MAGI3: variants seen among roughly 807,000 people sequenced by gnomAD.
MAGI3 encodes the protein membrane-associated guanylate kinase, WW and PDZ domain-containing protein 3.
MAGI3 carries 43 observed loss-of-function variants against 121.8 expected under a neutral mutation model. The ratio of observed to expected loss-of-function variants is 0.35; its 90% CI spans 0.28 to 0.46. The LOEUF (loss-of-function observed/expected upper bound fraction) is 0.46. Ranked by LOEUF, MAGI3 falls within the 20% of genes least tolerant of loss-of-function variation. The pLI is 1.00. For missense variants in MAGI3, 1,547 were observed against 1,797.3 expected (o/e 0.86, Z 2.52); for synonymous variants, 553 against 639.3 (o/e 0.86, Z 2.04).
chr1:113,473,806 G>T (rs1166141844), intron 1 of MAGI3, among the ~76,000 whole-genome samples: 1 of 152,150 alleles, frequency 6.6e-6, no homozygotes, highest in Non-Finnish European at 1.5e-5. Context: ...TGAGTCAAAT[G>T]GTAATTCTAG....
At chr1:113,556,552 A>ATTTTTTT (rs569112647) in intron 2 of MAGI3, among the ~76,000 whole-genome samples, 1 of 117,594 alleles carries the variant, frequency 8.5e-6, no homozygotes. Flanking sequence ...TATGATAAAG[A>ATTTTTTT]TTTTTTTTTT....
chr1:113,656,696 C>T (rs189933619), intron 15 of MAGI3, among the ~76,000 whole-genome samples: 223 of 152,282 alleles, frequency 1.5e-3, no homozygotes, highest in African/African-American at 5.2e-3. Context: ...GGATTACAGA[C>T]ATGAGCCACC....
At chr1:113,652,334 G>C (rs975194106) in intron 14 of MAGI3, among the ~76,000 whole-genome samples, 1 of 152,210 alleles carries the variant, frequency 6.6e-6, no homozygotes, top group Non-Finnish European at 1.5e-5. Flanking sequence ...AAGAGTGCCT[G>C]TCTGGTACAA....
chr1:113,591,682 A>T (rs1354387827), intron 5 of MAGI3, among the ~76,000 whole-genome samples: 1 of 152,172 alleles, frequency 6.6e-6, no homozygotes, highest in African/African-American at 2.4e-5. Flanking sequence ...AGGTACAACC[A>T]GGTGGTATAT....
At chr1:113,544,400 T>C (rs1659435422) in intron 1 of MAGI3, among the ~76,000 whole-genome samples, 1 of 152,218 alleles carries the variant, frequency 6.6e-6, no homozygotes, top group Non-Finnish European at 1.5e-5. Flanking sequence ...AGAAGAGAAC[T>C]GAAACATGGT....
intron 1 of MAGI3, among the ~76,000 whole-genome samples, chr1:113,442,853 G>C (rs1281207341): frequency 3.9e-5 from 6 of 151,992 alleles, no homozygotes; most frequent in Admixed American, 1.3e-4. Flanking sequence ...TGATACAGTA[G>C]ATAGTTTAGA....
intron 13 of MAGI3, 128 bp from the exon 14 acceptor site, chr1:113,650,886 A>G: frequency 2.5e-6 from 2 of 787,522 alleles, no homozygotes; most frequent in East Asian, 5.4e-5. Flanking sequence ...ATACCTTTCT[A>G]AAATATAACT....
intron 1 of MAGI3, among the ~76,000 whole-genome samples, chr1:113,505,828 A>G (rs779054261): frequency 1.3e-5 from 2 of 152,164 alleles, no homozygotes; most frequent in Non-Finnish European, 2.9e-5. Flanking sequence ...TGAAGACCAG[A>G]GTGACTAAAG....
intron 1 of MAGI3, among the ~76,000 whole-genome samples, chr1:113,513,645 T>C (rs541270017): frequency 0.052 from 7,837 of 152,132 alleles, 260 homozygotes; most frequent in Non-Finnish European, 0.075. Flanking sequence ...ATTAAAGACT[T>C]AAACGTTAGA....
intron 10 of MAGI3, 60 bp downstream of exon 10, chr1:113,642,576 G>A (rs934163055): frequency 2.6e-6 from 4 of 1,522,246 alleles, no homozygotes; most frequent in South Asian, 1.3e-5. Flanking sequence ...TCTACTGATT[G>A]TCTTTCCTTA....
intron 1 of MAGI3, among the ~76,000 whole-genome samples, chr1:113,515,003 A>G (rs573731551): frequency 9.2e-5 from 14 of 152,168 alleles, no homozygotes; most frequent in African/African-American, 2.9e-4. Flanking sequence ...TAAGGCATAT[A>G]TTGTGCATCT....
At chr1:113,510,765 C>T (rs1043787952) in intron 1 of MAGI3, among the ~76,000 whole-genome samples, 3 of 152,124 alleles carry the variant, frequency 2.0e-5, no homozygotes, top group Non-Finnish European at 2.9e-5. Flanking sequence ...ATAGTTTGCC[C>T]AGTGATCCTC....
In MAGI3 at chr1:113,391,001, C is replaced by T. The variant is rs745461669; in HGVS notation, c.-33C>T. On this transcript the variant is annotated 5_prime_UTR_variant, in exon 1 of 21. Transcript: ENST00000307546. The surrounding 1 kb of genome is among the most constrained non-coding windows in gnomAD (Gnocchi z 4.4). ...CGGAGCGGCGCCCCGGCCGCCCGCG[C>T]GGGGTCTCCCCCATGGTGCAGCGGG... 2 of 1,504,612 alleles carry T rather than the reference C, an allele frequency of 1.3e-6. No homozygotes were observed. Among genetic ancestry groups the T allele is most frequent in the Non-Finnish European group, 1.8e-6 (2 of 1,131,582 alleles). The allele number at this position is 1,504,612 out of a possible 1,614,324, so 93.2% of individuals were successfully genotyped here.
chr1:113,623,111 G>A, intron 9 of MAGI3, 117 bp downstream of exon 9: 2 of 699,122 alleles, frequency 2.9e-6, no homozygotes, highest in Non-Finnish European at 4.2e-6. Flanking sequence ...TAAAGAAAGA[G>A]ATTCCAGTAT....
intron 2 of MAGI3, among the ~76,000 whole-genome samples, chr1:113,561,957 C>G (rs1660253033): frequency 6.6e-6 from 1 of 152,130 alleles, no homozygotes; most frequent in South Asian, 2.1e-4. Flanking sequence ...GCTAGCATTC[C>G]TATATATCAA....
Position 113,390,848 on chromosome 1 carries a change from A to C in MAGI3, c.-186A>C, listed in dbSNP as rs1650743050. 2 of 284,260 alleles carry C rather than the reference A, an allele frequency of 7.0e-6. No individual in the cohort carries two copies. The highest frequency in any genetic ancestry group is 2.3e-5 in the African/African-American group (1 of 44,182). The allele number at this position is 284,260 out of a possible 1,614,324, so 17.6% of individuals were successfully genotyped here. A position where few individuals can be genotyped will look rare whatever the true frequency, so the allele number is the denominator to read the frequency against. On this transcript the variant is annotated 5_prime_UTR_variant, in exon 1 of 21. Transcript: ENST00000307546. ...GGAGCGCAGCCGGGAGGGGCGTCCA[A>C]GGGGCGTCTCGCGTCTGGGAACGGC...
chr1:113,671,906 C>T, intron 17 of MAGI3, 70 bp downstream of exon 17: 1 of 1,329,832 alleles, frequency 7.5e-7, no homozygotes, highest in Non-Finnish European at 1.1e-6. Context: ...CTGTTCATAA[C>T]CCCACTCCCC....
intron 6 of MAGI3, among the ~76,000 whole-genome samples, chr1:113,598,227 C>G (rs116319055): frequency 1.3e-5 from 2 of 151,174 alleles, no homozygotes; most frequent in East Asian, 2.0e-4. Context: ...CCCCCACCCC[C>G]CCTCCAAAAA....
intron 1 of MAGI3, among the ~76,000 whole-genome samples, chr1:113,462,353 C>T (rs1655077290): frequency 6.6e-6 from 1 of 152,100 alleles, no homozygotes; most frequent in South Asian, 2.1e-4. Flanking sequence ...AATGTGGCAC[C>T]TAAATACCAT....
Sources: allele counts gnomAD v4.1 joint callset (sites outside exome capture counted in the v4.1 genomes callset), GRCh38; gene constraint gnomAD v4.1.1; non-coding constraint Gnocchi (gnomAD v3.1); transcripts MANE v1.5; gene names NCBI Gene and HGNC (gene_info 2026-07-23, HGNC 2026-07-21).